The following ATF2 variants were observed in gnomAD, a reference collection of about 807,000 sequenced individuals.
ATF2 encodes the protein activating transcription factor 2.
ATF2 carries 24 observed loss-of-function variants against 60.6 expected under a neutral mutation model. The observed-to-expected ratio is 0.40, with a 90% CI of 0.29 to 0.56. ATF2 has a LOEUF of 0.56. ATF2 is among the 20% of genes least tolerant of loss of function. The probability of loss-of-function intolerance (pLI) is 0.54; values close to 1 mark genes in which losing one functional copy is unlikely to be tolerated. For synonymous variants in ATF2, 206 were observed against 215.4 expected (o/e 0.96, Z 0.38); for missense variants, 433 against 607.7 (o/e 0.71, Z 3.02).
chr2:175,142,083 T>C (rs780904504), intron 2 of ATF2, among the ~76,000 whole-genome samples: 2 of 152,030 alleles, frequency 1.3e-5, no homozygotes, highest in African/African-American at 4.8e-5. Flanking sequence ...TATTTTAATA[T>C]AGACATAAGA....
At chr2:175,076,691 A>G (rs1433518522) in intron 13 of ATF2, among the ~76,000 whole-genome samples, 2 of 152,164 alleles carry the variant, frequency 1.3e-5, no homozygotes, top group East Asian at 3.9e-4. Context: ...TGGCAATGAC[A>G]GTTTAACTGG....
At chr2:175,078,673 C>T (rs996112744) in intron 13 of ATF2, among the ~76,000 whole-genome samples, 9 of 152,026 alleles carry the variant, frequency 5.9e-5, no homozygotes, top group South Asian at 2.1e-4. Flanking sequence ...GTTTTGATTC[C>T]CAAATGTTTT....
intron 4 of ATF2, among the ~76,000 whole-genome samples, chr2:175,127,563 C>T (rs1333753543): frequency 1.3e-5 from 2 of 152,136 alleles, no homozygotes; most frequent in African/African-American, 4.8e-5. Flanking sequence ...AACACCTTAT[C>T]ATAGGATATG....
At chr2:175,139,731 G>A (rs1467722686) in intron 2 of ATF2, among the ~76,000 whole-genome samples, 3 of 151,108 alleles carry the variant, frequency 2.0e-5, no homozygotes, top group African/African-American at 7.3e-5. Flanking sequence ...CCTTTAATCA[G>A]GAAAAGTGTA....
chr2:175,142,685 A>AGG, intron 2 of ATF2, among the ~76,000 whole-genome samples: 1 of 126,438 alleles, frequency 7.9e-6, no homozygotes, highest in Middle Eastern at 4.0e-3. Context: ...ACGCTGCCGA[A>AGG]AGAGAGAGAG....
chr2:175,079,423 A>C lies in ATF2; in HGVS notation c.1291+1237T>G, dbSNP rs569745358. Among the ~76,000 whole-genome samples, 12 of 152,252 alleles carry C rather than the reference A, an allele frequency of 7.9e-5. No homozygotes were observed. The South Asian group carries it at 1.7e-3, about 21-fold the overall frequency. ...AAATTATGTTGTTAAGTCAGATGGG[A>C]ACCATAATGGCCTCATCCCTGAAGC... On this transcript the variant is annotated intron_variant, in intron 13 of 13. Coordinates refer to ENST00000264110, the MANE Select transcript of ATF2 (RefSeq NM_001880.4).
intron 2 of ATF2, among the ~76,000 whole-genome samples, chr2:175,137,464 C>T (rs895036506): frequency 1.3e-5 from 2 of 152,142 alleles, no homozygotes; most frequent in Admixed American, 1.3e-4. Context: ...TGGGTTAACA[C>T]CTACAACAGC....
intron 5 of ATF2, among the ~76,000 whole-genome samples, chr2:175,120,558 T>A (rs1284347103): frequency 6.6e-6 from 1 of 151,640 alleles, no homozygotes; most frequent in Non-Finnish European, 1.5e-5. Context: ...TGATTAATAA[T>A]TTAAAAGTAT....
In ATF2 at chr2:175,073,046, T is replaced by C. The variant is rs1232726553; in HGVS notation, c.*1563A>G. 1 of 152,160 alleles carries C rather than the reference T, an allele frequency of 6.6e-6. No individual in the cohort carries two copies. Among genetic ancestry groups the C allele is most frequent in the Non-Finnish European group, 1.5e-5 (1 of 68,022 alleles). The allele number at this position is 152,160 out of a possible 1,614,324, so 9.4% of individuals were successfully genotyped here. Reference sequence around the variant, plus strand: ...TGGATGCAGGACAAACTACACAACTTATTATAAATGCATTACAGATATTTA... The same window carrying C: ...TGGATGCAGGACAAACTACACAACTCATTATAAATGCATTACAGATATTTA... On this transcript the variant is annotated 3_prime_UTR_variant, in exon 14 of 14. Coordinates refer to ENST00000264110, the MANE Select transcript of ATF2 (RefSeq NM_001880.4).
chr2:175,077,784 T>C (rs1693446526), intron 13 of ATF2, among the ~76,000 whole-genome samples: 1 of 152,168 alleles, frequency 6.6e-6, no homozygotes. Flanking sequence ...ACCTTTACAA[T>C]GTGATATATT....
chr2:175,142,836 G>T (rs1240265303), intron 2 of ATF2, among the ~76,000 whole-genome samples: 1 of 148,792 alleles, frequency 6.7e-6, no homozygotes. Context: ...AAGAGAGAGA[G>T]TGTGTGTGTG....
At chr2:175,113,695 A>AT (rs1696361486) in intron 9 of ATF2, among the ~76,000 whole-genome samples, 2 of 152,038 alleles carry the variant, frequency 1.3e-5, no homozygotes, top group African/African-American at 4.8e-5. Context: ...TCTAGTACAA[A>AT]TATCTTTCTA....
intron 10 of ATF2, among the ~76,000 whole-genome samples, chr2:175,104,476 C>T (rs886288642): frequency 4.0e-5 from 6 of 151,442 alleles, no homozygotes; most frequent in South Asian, 2.1e-4. Context: ...GTGGGGGGGG[C>T]GGTGCGCAAA....
intron 13 of ATF2, among the ~76,000 whole-genome samples, chr2:175,076,562 C>T (rs1421051108): frequency 1.3e-5 from 2 of 152,082 alleles, no homozygotes; most frequent in African/African-American, 4.8e-5. Flanking sequence ...CCCTCTCCTT[C>T]ACCCCCCTAC....
intron 1 of ATF2, among the ~76,000 whole-genome samples, chr2:175,153,492 A>G (rs569422021): frequency 6.6e-6 from 1 of 152,196 alleles, no homozygotes; most frequent in Admixed American, 6.5e-5. Flanking sequence ...GTATTTGTGT[A>G]TCTAAACACA....
At position 175,074,205 on chromosome 2, in the gene ATF2, T is replaced by C. The variant is rs182375594; in HGVS notation, c.*404A>G. On this transcript the variant is annotated 3_prime_UTR_variant, in exon 14 of 14. Transcript: ENST00000264110. Reference sequence around the variant, plus strand: ...ACAGGGACTATGCAAAACTTTGGTATAAATGATAATACTACTACCGTCACA... The same window carrying C: ...ACAGGGACTATGCAAAACTTTGGTACAAATGATAATACTACTACCGTCACA... 9.5e-5 allele frequency: 15 copies of C among 158,588 alleles called. 1 individual carries two copies. The East Asian group carries it at 2.8e-3, about 30-fold the overall frequency. The allele number at this position is 158,588 out of a possible 1,614,324, so 9.8% of individuals were successfully genotyped here. A position where few individuals can be genotyped will look rare whatever the true frequency, so the allele number is the denominator to read the frequency against.
chr2:175,089,801 C>A lies in ATF2; in HGVS notation c.1185+3260G>T, dbSNP rs1199758003. On this transcript the variant is annotated intron_variant, in intron 12 of 13. Coordinates refer to ENST00000264110, the MANE Select transcript of ATF2 (RefSeq NM_001880.4). ...AGTCATCATTGAAGTACCCTTTCTT[C>A]CCAAACCATCCATGCTCTCAATTCC... Among the ~76,000 whole-genome samples, 4 of 152,112 alleles carry A rather than the reference C, an allele frequency of 2.6e-5. 1 individual carries two copies. The highest frequency in any genetic ancestry group is 5.9e-5 in the Non-Finnish European group (4 of 68,006).
At chr2:175,163,176 TAAATAAATGCAAG>T (rs1700130500) in intron 1 of ATF2, among the ~76,000 whole-genome samples, 2 of 7,104 alleles carry the variant, frequency 2.8e-4, no homozygotes, top group East Asian at 0.14. Context: ...AATAAATAAA[TAAATAAATGCAAG>T]CAAACATACT....
chr2:175,111,611 G>A lies in ATF2; in HGVS notation c.785C>T (p.Pro262Leu). The change falls in exon 10 of 14, where the codon CCA becomes CTA. Residue 262 changes from proline (P) to leucine (L), a missense_variant. Physicochemically the swap from Pro to Leu is moderately conservative, Grantham distance 98. This residue lies in a region of ATF2 where 246 missense variants were observed against 309.3 expected (regional missense o/e 0.80). Coordinates refer to ENST00000264110, the MANE Select transcript of ATF2 (RefSeq NM_001880.4). ...VTMVPSVPGI[P>L]GPSSPQPVQS... ...TACTGGTTGGGGAGAGGAAGGACCT[G>A]GGATTCCTGGAACACTAGGCACCAT... 1.2e-6 allele frequency: 2 copies of A among 1,613,816 alleles called. No homozygotes were observed. The highest frequency in any genetic ancestry group is 1.7e-6 in the Non-Finnish European group (2 of 1,179,854).
Sources: allele counts gnomAD v4.1 joint callset (sites outside exome capture counted in the v4.1 genomes callset), GRCh38; gene constraint gnomAD v4.1.1; regional missense constraint gnomAD v4.1.1; transcripts MANE v1.5; gene names NCBI Gene and HGNC (gene_info 2026-07-23, HGNC 2026-07-21).